Variants in ESD observed in about 807,000 individuals in gnomAD.
ESD encodes the protein esterase D, also known as S-formylglutathione hydrolase.
A neutral mutation model predicts 38.1 loss-of-function variants in ESD; 34 were observed. The ratio of observed to expected loss-of-function variants is 0.89; its 90% CI spans 0.68 to 1.19. ESD has a LOEUF of 1.19. ESD is among the 50% of genes most tolerant of loss of function. ESD has a pLI of 0.00. For synonymous variants in ESD, 97 were observed against 107.0 expected (o/e 0.91, Z 0.58); for missense variants, 334 against 327.2 (o/e 1.02, Z -0.16).
intron 8 of ESD, among the ~76,000 whole-genome samples, chr13:46,777,975 C>T (rs1455559468): frequency 2.0e-5 from 3 of 151,806 alleles, no homozygotes; most frequent in African/African-American, 7.2e-5. Context: ...TTTGTAACTC[C>T]TTCCACAAAT....
intron 2 of ESD, among the ~76,000 whole-genome samples, chr13:46,791,677 G>A (rs771806650): frequency 6.6e-6 from 1 of 151,830 alleles, no homozygotes; most frequent in East Asian, 1.9e-4. Context: ...TTTTTTCGTT[G>A]TGGTGGACTG....
chr13:46,779,210 T>C (rs919141629), intron 8 of ESD, among the ~76,000 whole-genome samples: 8 of 151,878 alleles, frequency 5.3e-5, no homozygotes, highest in Admixed American at 2.6e-4. Flanking sequence ...CACATAAATG[T>C]ACATAACAGA....
chr13:46,779,209 G>A (rs1293670703), intron 8 of ESD, among the ~76,000 whole-genome samples: 2 of 151,634 alleles, frequency 1.3e-5, no homozygotes, highest in East Asian at 3.9e-4. Context: ...TCACATAAAT[G>A]TACATAACAG....
At chr13:46,773,488 G>T (rs1331622910) in intron 9 of ESD, among the ~76,000 whole-genome samples, 2 of 152,166 alleles carry the variant, frequency 1.3e-5, no homozygotes, top group African/African-American at 4.8e-5. Context: ...TTGAACTAGT[G>T]AATGGTCACT....
chr13:46,789,134 C>A (rs898684169), intron 3 of ESD, among the ~76,000 whole-genome samples: 8 of 152,094 alleles, frequency 5.3e-5, no homozygotes, highest in African/African-American at 1.9e-4. Flanking sequence ...TTTCTAGTTG[C>A]TGCCTTAATA....
At chr13:46,785,455 G>A (rs1173569043) in intron 4 of ESD, among the ~76,000 whole-genome samples, 1 of 152,002 alleles carries the variant, frequency 6.6e-6, no homozygotes, top group Non-Finnish European at 1.5e-5. Context: ...ACTTGGGAAA[G>A]ATACAAATCA....
intron 9 of ESD, chr13:46,776,361 A>T (rs1420454701): frequency 6.6e-6 from 1 of 152,164 alleles, no homozygotes; most frequent in Non-Finnish European, 1.5e-5. Flanking sequence ...GCAGCAAGCT[A>T]TGCACAATTT....
intron 8 of ESD, 28 bp from the exon 9 acceptor site, chr13:46,777,651 A>G: frequency 1.3e-6 from 2 of 1,557,402 alleles, no homozygotes; most frequent in Non-Finnish European, 1.7e-6. Flanking sequence ...ACATTGAAAA[A>G]TAAATTCAAA....
At chr13:46,794,596 CCT>C (rs143599683) in intron 1 of ESD, among the ~76,000 whole-genome samples, 6,072 of 152,092 alleles carry the variant, frequency 0.04, 392 homozygotes, top group African/African-American at 0.14. Context: ...TCCTTCTTCC[CCT>C]GTGTCTCAAG....
chr13:46,778,320 C>T (rs768963276), intron 8 of ESD, among the ~76,000 whole-genome samples: 1 of 151,852 alleles, frequency 6.6e-6, no homozygotes, highest in Non-Finnish European at 1.5e-5. Context: ...CCAAGACAAA[C>T]AACCACGAAA....
rs1875221487 is a variant in ESD at position 46,787,110 on chromosome 13, C to A, written c.69-1G>T. 6.5e-7 allele frequency: 1 copy of A among 1,535,852 alleles called. No individual in the cohort carries two copies. The highest frequency in any genetic ancestry group is 1.2e-5 in the South Asian group (1 of 80,410). On this transcript the variant is annotated splice_acceptor_variant, in intron 3 of 9. Transcript: ENST00000378720. LOFTEE classifies it high-confidence loss of function. ...TTTCATTTTGCAGTTTAGTTCAACA[C>A]TAGTTTTAACAAAAACAACAACAAA...
chr13:46,783,017 C>T (rs911539631), intron 5 of ESD, among the ~76,000 whole-genome samples: 5 of 151,952 alleles, frequency 3.3e-5, no homozygotes, highest in African/African-American at 1.2e-4. Flanking sequence ...AATGACCTTC[C>T]AAGCTGGAGT....
chr13:46,777,667 T>C, intron 8 of ESD, 44 bp from the exon 9 acceptor site: 9 of 1,493,916 alleles, frequency 6.0e-6, no homozygotes, highest in Non-Finnish European at 8.2e-6. Context: ...TCAAAGATAC[T>C]CTTCAGGATA....
chr13:46,778,350 C>T (rs1433447962), intron 8 of ESD, among the ~76,000 whole-genome samples: 1 of 151,874 alleles, frequency 6.6e-6, no homozygotes, highest in Admixed American at 6.6e-5. Flanking sequence ...CTCTAAGTAT[C>T]CTGCTTTTGA....
At chr13:46,791,280 T>C (rs1875386845) in intron 3 of ESD, 66 bp downstream of exon 3, 2 of 1,239,998 alleles carry the variant, frequency 1.6e-6, no homozygotes, top group South Asian at 2.6e-5. Flanking sequence ...TAAAGATTGG[T>C]TTTAAAATAG....
At chr13:46,791,793 A>C (rs1875411702) in intron 2 of ESD, among the ~76,000 whole-genome samples, 1 of 152,082 alleles carries the variant, frequency 6.6e-6, no homozygotes, top group Non-Finnish European at 1.5e-5. Flanking sequence ...ACTGCAACAA[A>C]GTAGTCAAGG....
chr13:46,778,513 A>G (rs1379931734), intron 8 of ESD, among the ~76,000 whole-genome samples: 1 of 151,808 alleles, frequency 6.6e-6, no homozygotes, highest in Admixed American at 6.6e-5. Flanking sequence ...AGACAGTAAA[A>G]TCTACTGTCA....
intron 1 of ESD, among the ~76,000 whole-genome samples, chr13:46,795,321 A>G (rs1250381096): frequency 3.9e-5 from 6 of 152,262 alleles, no homozygotes; most frequent in Non-Finnish European, 7.3e-5. Context: ...GCTCATCTGC[A>G]GCCTAATACG....
intron 9 of ESD, among the ~76,000 whole-genome samples, chr13:46,772,028 G>T (rs901113533): frequency 6.6e-6 from 1 of 152,016 alleles, no homozygotes; most frequent in African/African-American, 2.4e-5. Flanking sequence ...CACAAAATAA[G>T]CACACAAACA....
Sources: allele counts gnomAD v4.1 joint callset (sites outside exome capture counted in the v4.1 genomes callset), GRCh38; gene constraint gnomAD v4.1.1; transcripts MANE v1.5; gene names NCBI Gene and HGNC (gene_info 2026-07-23, HGNC 2026-07-21).